TSPAN15: variants seen among roughly 807,000 people sequenced by gnomAD.
The protein encoded by TSPAN15 is tetraspanin 15, also known as tetraspanin-15.
TSPAN15 carries 20 observed loss-of-function variants against 34.5 expected under a neutral mutation model. The ratio of observed to expected loss-of-function variants is 0.58; its 90% CI spans 0.41 to 0.84. The LOEUF (loss-of-function observed/expected upper bound fraction) is 0.84. Ranked by LOEUF, TSPAN15 falls within the 40% of genes least tolerant of loss-of-function variation. The probability of loss-of-function intolerance (pLI) is 0.00; values close to 1 mark genes in which losing one functional copy is unlikely to be tolerated. For synonymous variants in TSPAN15, 155 were observed against 153.9 expected (o/e 1.01, Z -0.05); for missense variants, 313 against 386.1 (o/e 0.81, Z 1.59).
the TSPAN15 span, among the ~76,000 whole-genome samples, chr10:69,531,715 A>G: frequency 6.6e-6 from 1 of 152,242 alleles, no homozygotes; most frequent in Non-Finnish European, 1.5e-5. Flanking sequence ...CAAAAGGTCA[A>G]TAAATGTGGT....
chr10:69,465,526 C>A (rs990540185), intron 1 of TSPAN15, among the ~76,000 whole-genome samples: 1 of 152,218 alleles, frequency 6.6e-6, no homozygotes, highest in Admixed American at 6.5e-5. Flanking sequence ...TAACAGTTAA[C>A]GAGCCCTTCT....
At chr10:69,457,345 G>A (rs911914471) in intron 1 of TSPAN15, among the ~76,000 whole-genome samples, 1 of 152,208 alleles carries the variant, frequency 6.6e-6, no homozygotes, top group African/African-American at 2.4e-5. Flanking sequence ...CTGGCTGGGG[G>A]TGTAACCCGC....
intron 6 of TSPAN15, among the ~76,000 whole-genome samples, chr10:69,505,140 C>G (rs1842297498): frequency 1.3e-5 from 2 of 152,188 alleles, no homozygotes; most frequent in Admixed American, 6.5e-5. Flanking sequence ...TTATAACAAA[C>G]AGTGGTAATG....
the TSPAN15 span, among the ~76,000 whole-genome samples, chr10:69,536,603 C>T: frequency 2.4e-4 from 36 of 152,166 alleles, no homozygotes; most frequent in African/African-American, 8.5e-4. Flanking sequence ...CTCCTGAGGT[C>T]TCTCTCCTTG....
chr10:69,482,787 G>A (rs1000767158), intron 1 of TSPAN15, among the ~76,000 whole-genome samples: 11 of 152,176 alleles, frequency 7.2e-5, no homozygotes, highest in Admixed American at 3.9e-4. Flanking sequence ...CCTCCAGCCA[G>A]TGGCATTTCC....
rs150640709 is a variant in TSPAN15 at position 69,503,582 on chromosome 10, C to T, written c.571-856C>T. Among the ~76,000 whole-genome samples, 53 of 152,288 alleles carry T rather than the reference C, an allele frequency of 3.5e-4. No individual in the cohort carries two copies. The East Asian group carries it at 9.9e-3, about 28-fold the overall frequency. Reference sequence around the variant, plus strand: ...TAAGTGGCAGAGCAAGATCTGGACCCAGGAAATGTGACACCAGAGGGCACG... The same window carrying T: ...TAAGTGGCAGAGCAAGATCTGGACCTAGGAAATGTGACACCAGAGGGCACG... On this transcript the variant is annotated intron_variant, in intron 5 of 7. Coordinates refer to ENST00000373290, the MANE Select transcript of TSPAN15 (RefSeq NM_012339.5).
the TSPAN15 span, among the ~76,000 whole-genome samples, chr10:69,518,297 C>T: frequency 1.3e-5 from 2 of 152,242 alleles, no homozygotes; most frequent in African/African-American, 4.8e-5. Context: ...TCACTGAGAA[C>T]ACACAAGGAC....
At chr10:69,518,763 T>C in the TSPAN15 span, among the ~76,000 whole-genome samples, 1 of 152,140 alleles carries the variant, frequency 6.6e-6, no homozygotes, top group East Asian at 1.9e-4. Context: ...TCAGTAAAAT[T>C]AACAATGTGC....
At chr10:69,541,375 A>C in the TSPAN15 span, among the ~76,000 whole-genome samples, 2 of 145,620 alleles carry the variant, frequency 1.4e-5, no homozygotes, top group Admixed American at 6.8e-5. Flanking sequence ...TACTTCCTAC[A>C]TACAGGCATT....
chr10:69,524,865 C>T, the TSPAN15 span, among the ~76,000 whole-genome samples: 44 of 146,988 alleles, frequency 3.0e-4, 1 homozygote, highest in African/African-American at 1.0e-3. Context: ...ACAGCAACCT[C>T]TGCCTCCCAG....
chr10:69,488,711 G>T (rs1841907870), intron 3 of TSPAN15, among the ~76,000 whole-genome samples: 1 of 152,180 alleles, frequency 6.6e-6, no homozygotes, highest in Non-Finnish European at 1.5e-5. Context: ...ATTTCAAAAG[G>T]GGAGGGGGTG....
the TSPAN15 span, among the ~76,000 whole-genome samples, chr10:69,534,941 T>C: frequency 1.3e-5 from 2 of 152,062 alleles, no homozygotes; most frequent in African/African-American, 4.8e-5. Flanking sequence ...GCTGTGTTCA[T>C]GCCAGTGCAT....
downstream of TSPAN15, among the ~76,000 whole-genome samples, chr10:69,509,587 A>G (rs193178653): frequency 6.6e-6 from 1 of 152,178 alleles, no homozygotes; most frequent in East Asian, 1.9e-4. Flanking sequence ...CTTTAGTTTA[A>G]TCAGATCCCA....
At chr10:69,452,474 A>C (rs1018893246) in intron 1 of TSPAN15, among the ~76,000 whole-genome samples, 1 of 152,180 alleles carries the variant, frequency 6.6e-6, no homozygotes, top group Non-Finnish European at 1.5e-5. Context: ...AAGTTACTTC[A>C]TTCCTCTCGG....
At chr10:69,523,460 G>C in the TSPAN15 span, 2 of 547,692 alleles carry the variant, frequency 3.7e-6, no homozygotes, top group Admixed American at 2.7e-5. Flanking sequence ...GCCCAAAGGG[G>C]CTTTCTGCAA....
chr10:69,462,291 G>A (rs1434719249), intron 1 of TSPAN15, among the ~76,000 whole-genome samples: 3 of 149,442 alleles, frequency 2.0e-5, no homozygotes, highest in Middle Eastern at 3.5e-3. Flanking sequence ...GTGAGCCACC[G>A]TGCCTAGCTT....
At chr10:69,486,713 A>T (rs13328748) in intron 3 of TSPAN15, among the ~76,000 whole-genome samples, 2,596 of 152,284 alleles carry the variant, frequency 0.017, 78 homozygotes, top group African/African-American at 0.06. Flanking sequence ...GAAAATGTTC[A>T]TGGGAGTGCC....
chr10:69,526,284 C>A, the TSPAN15 span, among the ~76,000 whole-genome samples: 1 of 147,916 alleles, frequency 6.8e-6, no homozygotes. Context: ...GCAAATAGGT[C>A]TGTAACCATA....
At chr10:69,546,056 T>C in the TSPAN15 span, among the ~76,000 whole-genome samples, 1 of 152,324 alleles carries the variant, frequency 6.6e-6, no homozygotes, top group East Asian at 1.9e-4. Flanking sequence ...TTACCTTGTA[T>C]TTCCTTGCTA....
Sources: gnomAD v4.1 joint callset for allele counts (sites outside exome capture counted in the v4.1 genomes callset) on GRCh38, gnomAD v4.1.1 for gene constraint, MANE v1.5 for transcripts, NCBI Gene and HGNC (gene_info 2026-07-23, HGNC 2026-07-21) for gene names.